The following UPRT variants were observed in gnomAD, a reference collection of about 807,000 sequenced individuals.
UPRT encodes uracil phosphoribosyltransferase homolog.
UPRT carries 5 observed loss-of-function variants against 22.6 expected under a neutral mutation model. The observed-to-expected ratio is 0.22, with a 90% confidence interval of 0.12 to 0.47. UPRT has a LOEUF of 0.47. Among genes scored for constraint, UPRT ranks in the 20% least tolerant of loss-of-function variants. The probability of loss-of-function intolerance (pLI) is 0.99; values close to 1 mark genes in which losing one functional copy is unlikely to be tolerated. For synonymous variants in UPRT, 77 were observed against 87.7 expected (o/e 0.88, Z 0.68); for missense variants, 181 against 239.9 (o/e 0.75, Z 1.62).
rs773755441 is a variant in UPRT, at chrX:75,226,664, G to C, written c.-447+58785G>C. Among the ~76,000 whole-genome samples, 165 of 110,553 alleles carry C rather than the reference G, an allele frequency of 1.5e-3. 2 individuals are homozygous for C. The highest frequency in any genetic ancestry group is 1.9e-3 in the Non-Finnish European group (99 of 52,969). The stretch of plus-strand genomic sequence containing the variant: ...TTTGTTCTTATGGCATCTTTTCAGT[G>C]GGGCCTATTCTGACCTCCACATTTA... On this transcript the variant is annotated intron_variant, in intron 4 of 13. Transcript: ENST00000652605.
At chrX:75,225,884 C>T (rs1227508865) in intron 4 of UPRT, among the ~76,000 whole-genome samples, 2 of 111,023 alleles carry the variant, frequency 1.8e-5, no homozygotes, top group Non-Finnish European at 3.8e-5. Context: ...GACCTATCCC[C>T]CTAAACTTGA....
rs377454553 is a variant in UPRT at position 75,201,055 on chromosome X, A to T, written c.-447+33176A>T. On this transcript the variant is annotated intron_variant, in intron 4 of 13. Coordinates refer to the UPRT transcript ENST00000652605. The stretch of plus-strand genomic sequence containing the variant: ...TCTGGCCTTGCTCGAGTCATCATCT[A>T]CAAGATCCTCCACTTATCCTAAATT... 7.1e-5 allele frequency among the ~76,000 whole-genome samples: 8 copies of T among 112,525 alleles called. No individual in the cohort carries two copies. In the South Asian group the frequency reaches 3.0e-3, roughly 42 times the overall value.
At chrX:75,214,823 G>C (rs2082388237) in intron 4 of UPRT, among the ~76,000 whole-genome samples, 1 of 111,386 alleles carries the variant, frequency 9.0e-6, no homozygotes, top group African/African-American at 3.3e-5. Flanking sequence ...TGAGATGGGA[G>C]GATTGGTTGA....
intron 1 of UPRT, among the ~76,000 whole-genome samples, chrX:75,158,173 C>T (rs1482512500): frequency 9.0e-6 from 1 of 111,553 alleles, no homozygotes; most frequent in Non-Finnish European, 1.9e-5. Flanking sequence ...CCAAATAAGC[C>T]GAAGAAAATT....
In UPRT at chrX:75,188,204, G is replaced by A. The variant is rs2082301625; in HGVS notation, c.-447+20325G>A. ...TGGTGATGTACAGAAGGTTTTTGGT[G>A]TGGATGTCCTTTCCGTTTGTCAATT... On this transcript the variant is annotated intron_variant, in intron 4 of 13. Transcript: ENST00000652605. Among the ~76,000 whole-genome samples, 3 of 111,896 alleles carry A rather than the reference G, an allele frequency of 2.7e-5. No homozygotes were observed. The South Asian group carries it at 1.1e-3, about 42-fold the overall frequency.
intron 4 of UPRT, among the ~76,000 whole-genome samples, chrX:75,184,958 G>A (rs866359745): frequency 2.3e-4 from 25 of 110,846 alleles, no homozygotes; most frequent in African/African-American, 3.6e-4. Context: ...CAATCATGTC[G>A]TCTGCAAACA....
chrX:75,219,871 ATAATGTG>A (rs1189270657), intron 4 of UPRT, among the ~76,000 whole-genome samples: 1 of 111,933 alleles, frequency 8.9e-6, no homozygotes, highest in Admixed American at 9.5e-5. Flanking sequence ...TATAACATAA[ATAATGTG>A]TATTCTGCAG....
intron 4 of UPRT, among the ~76,000 whole-genome samples, chrX:75,207,241 T>C (rs1301415123): frequency 8.9e-6 from 1 of 112,354 alleles, no homozygotes; most frequent in Admixed American, 9.4e-5. Flanking sequence ...CTCCCTTTAG[T>C]AGGATGAGGG....
intron 1 of UPRT, among the ~76,000 whole-genome samples, chrX:75,158,460 A>G (rs970007920): frequency 9.8e-5 from 11 of 112,187 alleles, no homozygotes; most frequent in Non-Finnish European, 1.7e-4. Context: ...TAGTCCTCAC[A>G]TCGACCATGG....
At chrX:75,234,295 A>T (rs1261433414) in intron 4 of UPRT, among the ~76,000 whole-genome samples, 1 of 111,256 alleles carries the variant, frequency 9.0e-6, no homozygotes, top group Non-Finnish European at 1.9e-5. Context: ...GCAAGTCCTG[A>T]GTGACCTACA....
At chrX:75,200,587 C>G (rs1022746675) in intron 4 of UPRT, among the ~76,000 whole-genome samples, 3 of 112,114 alleles carry the variant, frequency 2.7e-5, no homozygotes, top group Admixed American at 9.4e-5. Context: ...GAGTGAGACC[C>G]TGTCTCAAAA....
chrX:75,199,818 C>T (rs1022873998), intron 4 of UPRT, among the ~76,000 whole-genome samples: 5 of 111,603 alleles, frequency 4.5e-5, no homozygotes, highest in African/African-American at 9.8e-5. Flanking sequence ...TAGGTATACA[C>T]GTGCCATAAT....
chrX:75,190,542 A>G (rs1418798560), intron 4 of UPRT, among the ~76,000 whole-genome samples: 2 of 111,428 alleles, frequency 1.8e-5, no homozygotes, highest in African/African-American at 6.5e-5. Context: ...TAGATTGGGG[A>G]AGTTCTCGTG....
intron 4 of UPRT, among the ~76,000 whole-genome samples, chrX:75,172,300 G>A (rs1386742152): frequency 9.0e-6 from 1 of 111,127 alleles, no homozygotes; most frequent in Non-Finnish European, 1.9e-5. Flanking sequence ...CAAATCAATG[G>A]AGTTATGTTC....
At chrX:75,298,868 G>T (rs1470339686) in intron 4 of UPRT, among the ~76,000 whole-genome samples, 1 of 112,191 alleles carries the variant, frequency 8.9e-6, no homozygotes, top group African/African-American at 3.2e-5. Flanking sequence ...GTATGTACTA[G>T]ATGACTTGTG....
intron 4 of UPRT, among the ~76,000 whole-genome samples, chrX:75,225,323 C>CCAGA (rs2082420762): frequency 1.2e-5 from 1 of 82,044 alleles, no homozygotes; most frequent in Non-Finnish European, 2.3e-5. Context: ...AAACCAAAAA[C>CCAGA]CACACACACA....
chrX:75,179,948 G>A (rs1178206578), intron 4 of UPRT, among the ~76,000 whole-genome samples: 2 of 112,799 alleles, frequency 1.8e-5, no homozygotes, highest in Non-Finnish European at 3.8e-5. Flanking sequence ...GCCTTGGCCA[G>A]CCTAGAAAGG....
chrX:75,286,083 C>T (rs779878219), intron 1 of UPRT, among the ~76,000 whole-genome samples: 2 of 110,580 alleles, frequency 1.8e-5, no homozygotes, highest in African/African-American at 3.3e-5. Flanking sequence ...TAAAACCTGC[C>T]GGAAAAGCTT....
intron 4 of UPRT, among the ~76,000 whole-genome samples, chrX:75,217,520 C>T (rs1202102595): frequency 1.8e-5 from 2 of 111,682 alleles, no homozygotes; most frequent in South Asian, 3.8e-4. Flanking sequence ...AGGTCCTTCA[C>T]GTCCCTTGTA....
Sources: gnomAD v4.1 joint callset for allele counts (sites outside exome capture counted in the v4.1 genomes callset) on GRCh38, gnomAD v4.1.1 for gene constraint, MANE v1.5 for transcripts, NCBI Gene and HGNC (gene_info 2026-07-23, HGNC 2026-07-21) for gene names.